ARID1B: variants seen among roughly 807,000 people sequenced by gnomAD.
ARID1B encodes the protein AT-rich interactive domain-containing protein 1B.
Under a neutral mutation model 212.3 loss-of-function variants are expected in ARID1B, and 30 were observed. The observed-to-expected ratio is 0.14, with a 90% CI of 0.11 to 0.19. The LOEUF is 0.19. Ranked by LOEUF, ARID1B falls within the 10% of genes least tolerant of loss-of-function variation. ARID1B has a pLI of 1.00. For synonymous variants in ARID1B, 1,402 were observed against 1,301.7 expected, an observed-to-expected ratio of 1.08 and a Z score of -1.66; for missense variants, 2,891 against 3,204.0, an observed-to-expected ratio of 0.90 and a Z score of 2.36.
chr6:157,162,469 G>A (rs1791007522), intron 8 of ARID1B, among the ~76,000 whole-genome samples: 1 of 152,176 alleles, frequency 6.6e-6, no homozygotes, highest in African/African-American at 2.4e-5. Context: ...TGAATAAAAG[G>A]AAAAAGTAAA....
chr6:156,828,038 G>A (rs1782874532), intron 1 of ARID1B, among the ~76,000 whole-genome samples: 1 of 150,294 alleles, frequency 6.7e-6, no homozygotes. Flanking sequence ...TGGGATTACA[G>A]GCATGAGTCA....
chr6:156,908,504 A>C (rs543789990), intron 3 of ARID1B, among the ~76,000 whole-genome samples: 1 of 152,146 alleles, frequency 6.6e-6, no homozygotes, highest in South Asian at 2.1e-4. Flanking sequence ...AACTTAATGA[A>C]ATTCTTCTCT....
chr6:157,167,170 G>T lies in ARID1B; in HGVS notation c.3220G>T (p.Val1074Leu), dbSNP rs1262364263. 3 of 1,607,980 alleles carry T rather than the reference G, an allele frequency of 1.9e-6. No homozygotes were observed. Among genetic ancestry groups the T allele is most frequent in the African/African-American group, 2.7e-5 (2 of 74,900 alleles). Reference protein sequence around the residue: ...APPYSMAPAMVNSSAASVGLA... With the variant: ...APPYSMAPAMLNSSAASVGLA... ...GCCCTACAGCATGGCGCCCGCCATG[G>T]TGAACAGCTCGGCAGGTAACCTTGG... The change falls in exon 9 of 20, where the codon GTG becomes TTG. Residue 1074 changes from valine to leucine, a missense_variant. Physicochemically the swap from Val to Leu is conservative, Grantham distance 32. Transcript: ENST00000636930.
At chr6:157,177,583 C>A (rs1430269049) in intron 11 of ARID1B, among the ~76,000 whole-genome samples, 4 of 152,174 alleles carry the variant, frequency 2.6e-5, no homozygotes, top group African/African-American at 9.6e-5. Flanking sequence ...TTTGTCCATA[C>A]ACATACACAT....
intron 4 of ARID1B, among the ~76,000 whole-genome samples, chr6:157,020,769 CTT>C (rs1780186060): frequency 1.3e-5 from 2 of 152,192 alleles, no homozygotes; most frequent in South Asian, 4.1e-4. Flanking sequence ...TTATATAACT[CTT>C]GGTCATAACT....
chr6:157,186,359 C>G lies in ARID1B; in HGVS notation c.3919+1924C>G, dbSNP rs572961312. On this transcript the variant is annotated intron_variant, in intron 13 of 19. Coordinates refer to ENST00000636930, the MANE Select transcript of ARID1B (RefSeq NM_001374828.1). The stretch of plus-strand genomic sequence containing the variant: ...CCTGGTATACATTCTTCTCAGTAGT[C>G]CAGATGGAGCCGAGGGCCTGTGACA... The G allele has an allele frequency of 3.0e-5, 14 of 461,572 alleles. No homozygotes were observed. The Admixed American group carries it at 3.2e-4, about 10-fold the overall frequency. The allele number at this position is 461,572 out of a possible 1,614,324, so 28.6% of individuals were successfully genotyped here.
intron 3 of ARID1B, among the ~76,000 whole-genome samples, chr6:156,917,736 A>G (rs988574832): frequency 6.6e-6 from 1 of 152,232 alleles, no homozygotes; most frequent in African/African-American, 2.4e-5. Flanking sequence ...GTGATTAAAA[A>G]TGAAATGAGG....
At chr6:156,937,059 T>TCCC (rs35555174) in intron 4 of ARID1B, 29 of 150,644 alleles carry the variant, frequency 1.9e-4, no homozygotes, top group Middle Eastern at 3.4e-3. Flanking sequence ...GTGGTGTTTT[T>TCCC]CCCCCCCCCT....
intron 7 of ARID1B, among the ~76,000 whole-genome samples, chr6:157,144,169 T>C (rs769721548): frequency 3.9e-5 from 6 of 152,204 alleles, no homozygotes; most frequent in Non-Finnish European, 8.8e-5. Context: ...TTCTTTCCTT[T>C]GTGTTCATTA....
intron 12 of ARID1B, among the ~76,000 whole-genome samples, chr6:157,182,235 C>T (rs1302824463): frequency 6.6e-6 from 1 of 152,150 alleles, no homozygotes; most frequent in African/African-American, 2.4e-5. Context: ...GTTGACAGAG[C>T]AAGACCCTGT....
chr6:157,100,132 C>T (rs987424459), intron 5 of ARID1B, among the ~76,000 whole-genome samples: 1 of 152,188 alleles, frequency 6.6e-6, no homozygotes, highest in Non-Finnish European at 1.5e-5. Context: ...TCTGTGTTCT[C>T]AGTTGAAAGG....
chr6:157,178,894 T>G (rs1792306219), intron 11 of ARID1B, among the ~76,000 whole-genome samples: 1 of 152,196 alleles, frequency 6.6e-6, no homozygotes, highest in Non-Finnish European at 1.5e-5. Context: ...CACTCCCCAG[T>G]TTCAGTTTAG....
intron 2 of ARID1B, among the ~76,000 whole-genome samples, chr6:156,865,727 A>T (rs1720752171): frequency 6.6e-6 from 1 of 151,684 alleles, no homozygotes. Context: ...TTTTCTAGAA[A>T]AGTTTTTCAT....
At position 157,174,077 on chromosome 6, in the gene ARID1B, G is replaced by A. The variant is rs1355816936; in HGVS notation, c.3305G>A (p.Gly1102Asp). 8.7e-6 allele frequency: 14 copies of A among 1,614,024 alleles called. No homozygotes were observed. The highest frequency in any genetic ancestry group is 1.1e-5 in the Non-Finnish European group (13 of 1,180,024). Residue 1102 changes from glycine (G) to aspartate (D), a missense_variant, in exon 10 of 20, where the codon GGC (glycine) becomes GAC (aspartate). By Grantham distance (94) the Gly-to-Asp change is moderately conservative. Around this residue, in one of 7 missense-constraint regions of ARID1B, gnomAD observed 1,643 missense variants for 1,544.0 expected, o/e 1.06. Transcript: ENST00000636930. ...SKLPLPLKAD[G>D]KEEGTPQPES... is the part of the protein sequence containing the mutation. ...CTGCCCCTGCCTCTCAAAGCAGACG[G>A]CAAAGAAGAAGGCACTCCACAGCCC...
rs1435060988 is a variant in ARID1B, at chr6:157,190,973, T to C, written c.4231+763T>C. Among the ~76,000 whole-genome samples the C allele has an allele frequency of 1.3e-5, 2 of 151,882 alleles. No homozygotes were observed. Among genetic ancestry groups the C allele is most frequent in the Non-Finnish European group, 2.9e-5 (2 of 67,956 alleles). ...GTGGGTGTCCAGAGCACAGTGAGCA[T>C]GGGCCCGGGGACAGGCTGAGGTCGT... On this transcript the variant is annotated intron_variant, in intron 15 of 19. Coordinates refer to ENST00000636930, the MANE Select transcript of ARID1B (RefSeq NM_001374828.1). The surrounding 1 kb of genome is among the most constrained non-coding windows in gnomAD (Gnocchi z 4.6).
At chr6:156,948,959 G>A (rs542193861) in intron 4 of ARID1B, among the ~76,000 whole-genome samples, 2 of 152,298 alleles carry the variant, frequency 1.3e-5, no homozygotes, top group South Asian at 4.1e-4. Context: ...TGGAAGTCTT[G>A]ACTATTTGAA....
chr6:157,102,730 G>A (rs1786153825), intron 5 of ARID1B, among the ~76,000 whole-genome samples: 1 of 150,138 alleles, frequency 6.7e-6, no homozygotes, highest in Non-Finnish European at 1.5e-5. Context: ...CTGAGTGGCT[G>A]AGATTACAGG....
intron 1 of ARID1B, among the ~76,000 whole-genome samples, chr6:156,820,362 C>G (rs1027710195): frequency 1.3e-5 from 2 of 152,046 alleles, no homozygotes; most frequent in Admixed American, 1.3e-4. Context: ...TTTCTCATGT[C>G]AACAAATGTT....
chr6:157,110,932 G>A (rs1446005927), intron 6 of ARID1B: 4 of 236,574 alleles, frequency 1.7e-5, no homozygotes, highest in East Asian at 1.7e-4. Context: ...GCGGTGGGGG[G>A]TTGTGTGTGT....
Sources: gnomAD v4.1 joint callset for allele counts (sites outside exome capture counted in the v4.1 genomes callset) on GRCh38, gnomAD v4.1.1 for gene constraint, gnomAD v4.1.1 regional missense constraint, Gnocchi (gnomAD v3.1) non-coding constraint, MANE v1.5 for transcripts, NCBI Gene and HGNC (gene_info 2026-07-23, HGNC 2026-07-21) for gene names.